CAST: variants seen among roughly 807,000 people sequenced by gnomAD.
CAST encodes the protein MIR583 host.
Under a neutral mutation model 119.6 loss-of-function variants are expected in CAST, and 76 were observed. That is an observed-to-expected ratio of 0.64 (90% CI 0.53 to 0.77). CAST has a LOEUF of 0.77. Ranked by LOEUF, CAST falls within the 30% of genes least tolerant of loss-of-function variation. The pLI is 0.00. For synonymous variants in CAST, 319 were observed against 331.6 expected, an observed-to-expected ratio of 0.96 and a Z score of 0.41; for missense variants, 953 against 946.5, an observed-to-expected ratio of 1.01 and a Z score of -0.09.
chr5:96,017,901 G>A, the CAST span, among the ~76,000 whole-genome samples: 3 of 151,808 alleles, frequency 2.0e-5, no homozygotes, highest in African/African-American at 7.3e-5. Context: ...ATTTATATAG[G>A]GTATGTTTAT....
intron 1 of CAST, among the ~76,000 whole-genome samples, chr5:96,665,419 T>A (rs1749188749): frequency 6.6e-6 from 1 of 152,202 alleles, no homozygotes; most frequent in South Asian, 2.1e-4. Context: ...ATATTTACAT[T>A]AACAGCACAT....
At chr5:96,337,654 C>A in the CAST span, among the ~76,000 whole-genome samples, 1 of 152,182 alleles carries the variant, frequency 6.6e-6, no homozygotes, top group Admixed American at 6.5e-5. Context: ...GGTTATGATG[C>A]TCACTTCTGT....
the CAST span, among the ~76,000 whole-genome samples, chr5:96,132,483 G>A: frequency 1.2e-4 from 19 of 152,112 alleles, no homozygotes; most frequent in South Asian, 3.5e-3. Context: ...TCACCTTACT[G>A]TGCTATCAAA....
At chr5:96,597,081 G>A (rs1340275271) in intron 1 of CAST, among the ~76,000 whole-genome samples, 3 of 152,088 alleles carry the variant, frequency 2.0e-5, no homozygotes, top group Non-Finnish European at 2.9e-5. Context: ...ATTTTGTGGG[G>A]GACACAGTTT....
chr5:96,238,366 C>CTTCTTCTTCTTCTTCTTCTTCTTCATCTT, the CAST span, among the ~76,000 whole-genome samples: 1 of 23,208 alleles, frequency 4.3e-5, no homozygotes, highest in African/African-American at 1.1e-4. Flanking sequence ...TTCTTCTTCT[C>CTTCTTCTTCTTCTTCTTCTTCTTCATCTT]CTTCTTCTCC....
chr5:96,037,966 A>G, the CAST span, among the ~76,000 whole-genome samples: 2 of 152,170 alleles, frequency 1.3e-5, no homozygotes, highest in Non-Finnish European at 2.9e-5. Flanking sequence ...CTTCAGATTC[A>G]TCGCAATGTT....
the CAST span, among the ~76,000 whole-genome samples, chr5:96,302,758 T>C: frequency 2.6e-5 from 4 of 152,230 alleles, no homozygotes; most frequent in African/African-American, 9.6e-5. Flanking sequence ...AAATTTCTTA[T>C]CTGCATCTGA....
At chr5:96,232,717 C>CA in the CAST span, among the ~76,000 whole-genome samples, 1 of 151,966 alleles carries the variant, frequency 6.6e-6, no homozygotes, top group Non-Finnish European at 1.5e-5. Flanking sequence ...AAAAATCTCA[C>CA]AAAAACTTTT....
chr5:96,307,540 A>T, the CAST span, among the ~76,000 whole-genome samples: 1 of 152,184 alleles, frequency 6.6e-6, no homozygotes, highest in Non-Finnish European at 1.5e-5. Context: ...CAGTTTCTTC[A>T]TAGTGTCTAT....
chr5:96,507,442 G>A, the CAST span, among the ~76,000 whole-genome samples: 1 of 152,176 alleles, frequency 6.6e-6, no homozygotes, highest in African/African-American at 2.4e-5. Flanking sequence ...TATGAGTCAG[G>A]TGTTCCCAGG....
the CAST span, among the ~76,000 whole-genome samples, chr5:96,516,488 T>C: frequency 6.6e-6 from 1 of 152,224 alleles, no homozygotes; most frequent in Non-Finnish European, 1.5e-5. Flanking sequence ...TCATTTATCA[T>C]GCAGAATTAG....
chr5:96,764,227 A>T (rs1293025253), intron 25 of CAST, among the ~76,000 whole-genome samples: 1 of 152,168 alleles, frequency 6.6e-6, no homozygotes, highest in African/African-American at 2.4e-5. Flanking sequence ...TTGGGTCCTA[A>T]CATACAACTA....
the CAST span, among the ~76,000 whole-genome samples, chr5:96,276,507 A>G: frequency 1.5e-4 from 23 of 152,330 alleles, no homozygotes; most frequent in African/African-American, 5.5e-4. Context: ...AAAAGAACTG[A>G]GATTGAAGAT....
the CAST span, among the ~76,000 whole-genome samples, chr5:96,465,831 T>C: frequency 2.0e-5 from 3 of 152,148 alleles, no homozygotes; most frequent in African/African-American, 7.2e-5. Context: ...TGGATTCTCA[T>C]TGGTTCTAAC....
chr5:96,447,427 A>G, the CAST span, among the ~76,000 whole-genome samples: 425 of 152,334 alleles, frequency 2.8e-3, 3 homozygotes, highest in African/African-American at 9.9e-3. Context: ...GCCACCGACT[A>G]CATATACCCA....
the CAST span, among the ~76,000 whole-genome samples, chr5:96,106,477 T>A: frequency 6.6e-6 from 1 of 152,144 alleles, no homozygotes; most frequent in African/African-American, 2.4e-5. Context: ...CATTTCATTA[T>A]GTACCCAGTA....
the CAST span, among the ~76,000 whole-genome samples, chr5:96,249,916 C>G: frequency 1.3e-5 from 2 of 152,136 alleles, no homozygotes; most frequent in Non-Finnish European, 2.9e-5. Context: ...GCGATAGCAA[C>G]CTACCCATGA....
upstream of CAST, among the ~76,000 whole-genome samples, chr5:96,526,742 C>T (rs1376395362): frequency 6.6e-6 from 1 of 152,186 alleles, no homozygotes; most frequent in African/African-American, 2.4e-5. Context: ...TGTGCCTTAA[C>T]ACTTGTAAGC....
At chr5:96,106,078 G>T in the CAST span, among the ~76,000 whole-genome samples, 1 of 152,098 alleles carries the variant, frequency 6.6e-6, no homozygotes, top group East Asian at 1.9e-4. Context: ...GATCGGTGGT[G>T]ATATCCCCTT....
Sources: gnomAD v4.1 joint callset for allele counts (sites outside exome capture counted in the v4.1 genomes callset) on GRCh38, gnomAD v4.1.1 for gene constraint, MANE v1.5 for transcripts, NCBI Gene and HGNC (gene_info 2026-07-23, HGNC 2026-07-21) for gene names.